The following KCNIP4 variants were observed in gnomAD, a reference collection of about 807,000 sequenced individuals.
The protein encoded by KCNIP4 is Kv channel-interacting protein 4.
A neutral mutation model predicts 34.0 loss-of-function variants in KCNIP4; 12 were observed. The ratio of observed to expected loss-of-function variants is 0.35; its 90% CI spans 0.23 to 0.57. The LOEUF (loss-of-function observed/expected upper bound fraction) is 0.57. Ranked by LOEUF, KCNIP4 falls within the 20% of genes least tolerant of loss-of-function variation. The pLI is 0.83. For synonymous variants in KCNIP4, 124 were observed against 102.2 expected (o/e 1.21, Z -1.29); for missense variants, 238 against 311.7 (o/e 0.76, Z 1.78).
chr4:21,057,698 G>A (rs977051356), intron 1 of KCNIP4, among the ~76,000 whole-genome samples: 2 of 152,148 alleles, frequency 1.3e-5, no homozygotes, highest in Non-Finnish European at 2.9e-5. Context: ...CGTCTTTGAG[G>A]TGAGAATTAT....
At chr4:21,169,736 G>A (rs1345213225) in intron 1 of KCNIP4, among the ~76,000 whole-genome samples, 2 of 149,292 alleles carry the variant, frequency 1.3e-5, no homozygotes, top group African/African-American at 4.9e-5. Context: ...TTAGGCTTCT[G>A]ATATGAGAAC....
intron 1 of KCNIP4, among the ~76,000 whole-genome samples, chr4:20,938,920 T>A (rs1203164033): frequency 6.6e-6 from 1 of 152,192 alleles, no homozygotes; most frequent in Non-Finnish European, 1.5e-5. Context: ...ATTTTATGCT[T>A]ACTTCTATTT....
chr4:20,920,450 T>C (rs1467463197), intron 1 of KCNIP4, among the ~76,000 whole-genome samples: 1 of 152,170 alleles, frequency 6.6e-6, no homozygotes, highest in Admixed American at 6.5e-5. Context: ...CCCAGACACA[T>C]TATGAACATT....
intron 1 of KCNIP4, among the ~76,000 whole-genome samples, chr4:21,661,164 G>C (rs1577783066): frequency 6.6e-6 from 1 of 152,040 alleles, no homozygotes; most frequent in Admixed American, 6.6e-5. Flanking sequence ...TGAACTCAGG[G>C]GAACATCATC....
intron 1 of KCNIP4, among the ~76,000 whole-genome samples, chr4:21,314,260 C>G (rs1314800911): frequency 6.6e-6 from 1 of 152,182 alleles, no homozygotes; most frequent in Non-Finnish European, 1.5e-5. Flanking sequence ...TTAGGTCAGG[C>G]TCACTTGGGA....
At chr4:21,523,673 G>C (rs1423054800) in intron 1 of KCNIP4, among the ~76,000 whole-genome samples, 1 of 152,016 alleles carries the variant, frequency 6.6e-6, no homozygotes, top group Non-Finnish European at 1.5e-5. Context: ...TTGAGCTCAA[G>C]TGATCCTCCT....
intron 1 of KCNIP4, among the ~76,000 whole-genome samples, chr4:21,685,014 A>T (rs1430840952): frequency 1.3e-5 from 2 of 152,234 alleles, no homozygotes; most frequent in Admixed American, 6.5e-5. Flanking sequence ...GTCATCTGAC[A>T]TTTTTGGGTA....
chr4:21,782,578 G>A (rs1402957153), intron 1 of KCNIP4, among the ~76,000 whole-genome samples: 2 of 152,032 alleles, frequency 1.3e-5, no homozygotes, highest in African/African-American at 4.8e-5. Flanking sequence ...TGCACCTTTG[G>A]TTCCAGCTAC....
At chr4:20,731,014 A>AAAAAT (rs1210115221) in intron 8 of KCNIP4, among the ~76,000 whole-genome samples, 1 of 152,220 alleles carries the variant, frequency 6.6e-6, no homozygotes, top group Non-Finnish European at 1.5e-5. Context: ...ACAACAATTT[A>AAAAAT]AAAATAAAGA....
At chr4:21,242,927 T>A (rs1759958187) in intron 1 of KCNIP4, among the ~76,000 whole-genome samples, 2 of 151,638 alleles carry the variant, frequency 1.3e-5, no homozygotes, top group Admixed American at 1.3e-4. Flanking sequence ...TATTGCTTTT[T>A]TCCTCTGGAG....
At chr4:21,252,212 C>T (rs1440344702) in intron 1 of KCNIP4, among the ~76,000 whole-genome samples, 1 of 149,870 alleles carries the variant, frequency 6.7e-6, no homozygotes, top group Admixed American at 6.7e-5. Flanking sequence ...ACTGCAATCT[C>T]CGCCTCCCGA....
At chr4:21,678,605 T>C (rs1036064286) in intron 1 of KCNIP4, among the ~76,000 whole-genome samples, 7 of 152,196 alleles carry the variant, frequency 4.6e-5, no homozygotes, top group Admixed American at 3.9e-4. Context: ...TTCAGCAAAC[T>C]GACATGCTTT....
At chr4:21,882,040 C>T (rs948716837) in intron 1 of KCNIP4, among the ~76,000 whole-genome samples, 8 of 152,110 alleles carry the variant, frequency 5.3e-5, no homozygotes, top group African/African-American at 1.2e-4. Context: ...AATCTACTAA[C>T]GCTTATTAAG....
At chr4:21,717,910 G>C (rs900686067) in intron 1 of KCNIP4, among the ~76,000 whole-genome samples, 12 of 152,098 alleles carry the variant, frequency 7.9e-5, no homozygotes, top group African/African-American at 2.9e-4. Flanking sequence ...ATGGTACCCA[G>C]TTGGCCTCAA....
chr4:21,796,333 T>C (rs1720624242), intron 1 of KCNIP4, among the ~76,000 whole-genome samples: 1 of 152,164 alleles, frequency 6.6e-6, no homozygotes, highest in Non-Finnish European at 1.5e-5. Flanking sequence ...CCCCTCCCTG[T>C]AAGTCCAAGC....
At chr4:21,653,940 A>G (rs1192327587) in intron 1 of KCNIP4, among the ~76,000 whole-genome samples, 1 of 152,190 alleles carries the variant, frequency 6.6e-6, no homozygotes, top group Non-Finnish European at 1.5e-5. Context: ...TAGGTTGAAG[A>G]AGTCCTCATT....
chr4:21,073,121 C>T (rs987810896), intron 1 of KCNIP4, among the ~76,000 whole-genome samples: 1 of 152,096 alleles, frequency 6.6e-6, no homozygotes, highest in African/African-American at 2.4e-5. Context: ...ATTGACTTGG[C>T]AATGTGGGCT....
chr4:20,947,208 G>A (rs1445008131), intron 1 of KCNIP4, among the ~76,000 whole-genome samples: 2 of 152,110 alleles, frequency 1.3e-5, no homozygotes, highest in African/African-American at 4.8e-5. Flanking sequence ...TCACTCTGCT[G>A]TCCAGGGTGG....
At chr4:20,736,446 A>T (rs1016179834) in intron 5 of KCNIP4, among the ~76,000 whole-genome samples, 1 of 152,176 alleles carries the variant, frequency 6.6e-6, no homozygotes, top group African/African-American at 2.4e-5. Context: ...TATGAAAGCC[A>T]TTGATTTCTG....
Sources: gnomAD v4.1 joint callset for allele counts (sites outside exome capture counted in the v4.1 genomes callset) on GRCh38, gnomAD v4.1.1 for gene constraint, MANE v1.5 for transcripts, NCBI Gene and HGNC (gene_info 2026-07-23, HGNC 2026-07-21) for gene names.